Variants in RYR3 observed in about 807,000 individuals in gnomAD.
The protein encoded by RYR3 is ryanodine receptor 3.
In RYR3, 207 loss-of-function variants were observed where a neutral mutation model predicts 584.3. That is an observed-to-expected ratio of 0.35 (90% CI 0.32 to 0.40). RYR3 has a LOEUF of 0.40. Ranked by LOEUF, RYR3 falls within the 10% of genes least tolerant of loss-of-function variation. The probability of loss-of-function intolerance (pLI) is 1.00; values close to 1 mark genes in which losing one functional copy is unlikely to be tolerated. For synonymous variants in RYR3, 2,416 were observed against 2,248.5 expected (o/e 1.07, Z -2.11); for missense variants, 5,616 against 6,089.2 (o/e 0.92, Z 2.59).
At chr15:33,330,648 A>G (rs1311960709) in intron 1 of RYR3, among the ~76,000 whole-genome samples, 1 of 152,140 alleles carries the variant, frequency 6.6e-6, no homozygotes, top group African/African-American at 2.4e-5. Flanking sequence ...GCTCCCAGAT[A>G]GTTGTATTTT....
intron 48 of RYR3, among the ~76,000 whole-genome samples, chr15:33,732,100 G>A (rs934379091): frequency 4.6e-5 from 7 of 152,016 alleles, no homozygotes; most frequent in African/African-American, 9.7e-5. Flanking sequence ...GCAACCTACC[G>A]GCTGGGCACG....
intron 42 of RYR3, among the ~76,000 whole-genome samples, chr15:33,703,049 C>T (rs955579046): frequency 3.9e-5 from 6 of 152,116 alleles, no homozygotes; most frequent in African/African-American, 1.4e-4. Context: ...CACAGATTTA[C>T]CACTCACGAA....
chr15:33,578,155 G>A (rs1208067760), intron 12 of RYR3, among the ~76,000 whole-genome samples: 1 of 152,084 alleles, frequency 6.6e-6, no homozygotes, highest in East Asian at 1.9e-4. Context: ...TTAAACTATC[G>A]GTAGGAATGT....
intron 2 of RYR3, among the ~76,000 whole-genome samples, chr15:33,489,190 T>G (rs1457013730): frequency 8.5e-5 from 13 of 152,222 alleles, no homozygotes; most frequent in Admixed American, 8.5e-4. Flanking sequence ...GACATTTACA[T>G]CGACAGCTTT....
intron 64 of RYR3, among the ~76,000 whole-genome samples, chr15:33,774,791 GCAGA>G (rs2073879510): frequency 6.6e-6 from 1 of 152,080 alleles, no homozygotes; most frequent in Non-Finnish European, 1.5e-5. Context: ...TAGGAACTGG[GCAGA>G]CAAAGTTTTA....
At chr15:33,401,399 G>A (rs2042657095) in intron 1 of RYR3, among the ~76,000 whole-genome samples, 1 of 152,158 alleles carries the variant, frequency 6.6e-6, no homozygotes, top group Admixed American at 6.5e-5. Flanking sequence ...ACTGTATAGT[G>A]CATGAATTTA....
intron 1 of RYR3, among the ~76,000 whole-genome samples, chr15:33,334,328 A>C (rs938958266): frequency 3.3e-5 from 5 of 152,228 alleles, no homozygotes; most frequent in Non-Finnish European, 7.3e-5. Flanking sequence ...TGGTACAAGA[A>C]CAGACACATA....
At chr15:33,616,424 G>GA (rs1303553193) in intron 19 of RYR3, among the ~76,000 whole-genome samples, 1 of 152,138 alleles carries the variant, frequency 6.6e-6, no homozygotes, top group Admixed American at 6.5e-5. Flanking sequence ...GTTAGCAGGT[G>GA]AAAAAATAGT....
chr15:33,636,386 G>A lies in RYR3; in HGVS notation c.3392G>A (p.Trp1131Ter). The change falls in exon 27 of 104, where the codon TGG becomes TAG. Residue 1131 changes from tryptophan (W) to a stop codon, truncating the protein, a stop_gained. Coordinates refer to ENST00000634891, the MANE Select transcript of RYR3 (RefSeq NM_001036.6). LOFTEE classifies it high-confidence loss of function. ...AGTCTTGTTTTCTAGGGCCAGCGTT[G>A]GCATCAAGGAAGTGGGTATTTTGGG... The part of the protein sequence containing the change: ...FVFEGNRGQR[W>*]HQGSGYFGRT... 1 of 1,613,810 alleles carries A rather than the reference G, an allele frequency of 6.2e-7. No individual in the cohort carries two copies. Among genetic ancestry groups the A allele is most frequent in the Non-Finnish European group, 8.5e-7 (1 of 1,179,806 alleles).
chr15:33,680,150 G>C (rs1287012748), intron 38 of RYR3, among the ~76,000 whole-genome samples: 1 of 152,186 alleles, frequency 6.6e-6, no homozygotes, highest in Admixed American at 6.5e-5. Flanking sequence ...CCTGCTGAGT[G>C]GGGGCTAGGG....
At chr15:33,459,328 G>A (rs1204639802) in intron 1 of RYR3, among the ~76,000 whole-genome samples, 1 of 152,216 alleles carries the variant, frequency 6.6e-6, no homozygotes, top group African/African-American at 2.4e-5. Flanking sequence ...GGACAAGCAA[G>A]GATTTGTATC....
chr15:33,392,329 A>T (rs1005729485), intron 1 of RYR3, among the ~76,000 whole-genome samples: 2 of 151,426 alleles, frequency 1.3e-5, no homozygotes, highest in Middle Eastern at 3.4e-3. Context: ...ATTTCAAGGT[A>T]CCTATGATTA....
At chr15:33,566,137 T>G (rs1399314907) in intron 11 of RYR3, among the ~76,000 whole-genome samples, 1 of 152,144 alleles carries the variant, frequency 6.6e-6, no homozygotes, top group Non-Finnish European at 1.5e-5. Context: ...GCTTTCAAAT[T>G]TACTCTCTAG....
chr15:33,780,449 A>T, intron 65 of RYR3, 108 bp downstream of exon 65: 1 of 1,182,106 alleles, frequency 8.5e-7, no homozygotes, highest in African/African-American at 1.5e-5. Flanking sequence ...TCTTGGTCTG[A>T]GAGGAGCCAG....
At chr15:33,832,239 A>T (rs1370326781) in intron 86 of RYR3, among the ~76,000 whole-genome samples, 1 of 144,830 alleles carries the variant, frequency 6.9e-6, no homozygotes, top group South Asian at 2.2e-4. Flanking sequence ...GCTTGCTGTG[A>T]GCTGAGATCG....
intron 81 of RYR3, among the ~76,000 whole-genome samples, chr15:33,825,156 C>T (rs1414631088): frequency 6.6e-6 from 1 of 152,194 alleles, no homozygotes; most frequent in African/African-American, 2.4e-5. Flanking sequence ...GCTCTGGAAA[C>T]CACAATTCCA....
chr15:33,471,661 T>C (rs1286221187), intron 1 of RYR3, among the ~76,000 whole-genome samples: 1 of 151,996 alleles, frequency 6.6e-6, no homozygotes, highest in Non-Finnish European at 1.5e-5. Flanking sequence ...TTTGTTGTTG[T>C]TGCTTTAGTT....
chr15:33,358,374 A>C (rs1974275919), intron 1 of RYR3, among the ~76,000 whole-genome samples: 1 of 152,146 alleles, frequency 6.6e-6, no homozygotes, highest in African/African-American at 2.4e-5. Flanking sequence ...TCCACTGACA[A>C]ATTCTCTCAG....
intron 36 of RYR3, among the ~76,000 whole-genome samples, chr15:33,664,675 A>G (rs2063394401): frequency 6.8e-6 from 1 of 147,644 alleles, no homozygotes; most frequent in Admixed American, 6.8e-5. Flanking sequence ...TCTCCTCCCC[A>G]GGGTTCTTGC....
Sources: allele counts gnomAD v4.1 joint callset (sites outside exome capture counted in the v4.1 genomes callset), GRCh38; gene constraint gnomAD v4.1.1; transcripts MANE v1.5; gene names NCBI Gene and HGNC (gene_info 2026-07-23, HGNC 2026-07-21).